USH2A: variants seen among roughly 807,000 people sequenced by gnomAD.
USH2A encodes usherin, also known as Usher syndrome 2A (autosomal recessive, mild).
A neutral mutation model predicts 538.9 loss-of-function variants in USH2A; 443 were observed. The ratio of observed to expected loss-of-function variants is 0.82; its 90% CI spans 0.76 to 0.89. The LOEUF (loss-of-function observed/expected upper bound fraction) is 0.89, where lower values mean the gene tolerates loss of function less well. Ranked by LOEUF, USH2A falls within the 40% of genes least tolerant of loss-of-function variation. The pLI is 0.00. For missense variants in USH2A, 6,633 were observed against 6,324.8 expected, an observed-to-expected ratio of 1.05 and a Z score of -1.65; for synonymous variants, 2,413 against 2,273.5, an observed-to-expected ratio of 1.06 and a Z score of -1.75.
intron 15 of USH2A, among the ~76,000 whole-genome samples, chr1:216,212,987 C>T (rs2035272789): frequency 6.6e-6 from 1 of 152,028 alleles, no homozygotes; most frequent in African/African-American, 2.4e-5. Flanking sequence ...GAGCACATGG[C>T]TAAGCATAAA....
At chr1:216,134,460 G>T (rs2102604949) in intron 21 of USH2A, among the ~76,000 whole-genome samples, 1 of 152,132 alleles carries the variant, frequency 6.6e-6, no homozygotes, top group South Asian at 2.1e-4. Flanking sequence ...TCATCTTAAA[G>T]AAATAAAACA....
Position 215,625,844 on chromosome 1 carries a change from G to A in USH2A, c.15546C>T (p.Asn5182=), listed in dbSNP as rs546494522. The change falls in exon 72 of 72, where the codon AAC becomes AAT. Residue 5182 remains asparagine, a synonymous_variant. Transcript: ENST00000307340. ...TCACTGAGCTGAAATCCTTGATGGC[G>A]TTCATCAGGTCCTCTTCATCCACAT... The part of the protein sequence containing the change: ...GLYVDEEDLM[N]AIKDFSSVTK... The A allele has an allele frequency of 3.9e-4, 632 of 1,613,982 alleles. 6 individuals are homozygous for A. In the South Asian group the frequency reaches 6.4e-3, roughly 16 times the overall value.
intron 40 of USH2A, among the ~76,000 whole-genome samples, chr1:215,895,493 T>C (rs747986780): frequency 3.4e-4 from 52 of 152,184 alleles, no homozygotes; most frequent in Non-Finnish European, 6.3e-4. Flanking sequence ...GGAAGAAGCA[T>C]GTTCTGTTAG....
chr1:215,951,989 C>T (rs1245460575), intron 37 of USH2A, among the ~76,000 whole-genome samples: 8 of 151,372 alleles, frequency 5.3e-5, no homozygotes, highest in South Asian at 2.1e-4. Flanking sequence ...CTCAGCCTCC[C>T]GAGTAGCTGG....
intron 69 of USH2A, among the ~76,000 whole-genome samples, chr1:215,637,576 G>A (rs1484729113): frequency 2.6e-5 from 4 of 152,156 alleles, no homozygotes; most frequent in African/African-American, 9.7e-5. Flanking sequence ...AATACTAAAT[G>A]AGATCTGTTC....
At chr1:216,145,102 T>A (rs771470035) in intron 21 of USH2A, among the ~76,000 whole-genome samples, 1 of 152,170 alleles carries the variant, frequency 6.6e-6, no homozygotes, top group Non-Finnish European at 1.5e-5. Flanking sequence ...TTCCCTTCCC[T>A]CACCCTACTT....
chr1:215,975,388 C>CT (rs1458295193), intron 35 of USH2A, among the ~76,000 whole-genome samples: 1 of 152,076 alleles, frequency 6.6e-6, no homozygotes, highest in Non-Finnish European at 1.5e-5. Flanking sequence ...GTCATAAGTT[C>CT]TTTCCCAAGG....
At chr1:215,867,316 ATTATT>A in intron 43 of USH2A, 146 bp from the exon 44 acceptor site, 2 of 928,648 alleles carry the variant, frequency 2.2e-6, no homozygotes, top group African/African-American at 1.7e-5. Flanking sequence ...TAGAAAATAC[ATTATT>A]TTATTTTCCC....
intron 34 of USH2A, among the ~76,000 whole-genome samples, chr1:215,994,598 C>T (rs61574190): frequency 0.017 from 2,557 of 152,124 alleles, 68 homozygotes; most frequent in African/African-American, 0.059. Flanking sequence ...AAATTGTGGC[C>T]TGAGCATGAA....
At chr1:215,838,603 C>A (rs1663594451) in intron 46 of USH2A, among the ~76,000 whole-genome samples, 1 of 152,094 alleles carries the variant, frequency 6.6e-6, no homozygotes, top group South Asian at 2.1e-4. Flanking sequence ...TATTTTATAT[C>A]CATTTGTTCC....
chr1:216,300,600 A>G (rs929995381), intron 9 of USH2A, among the ~76,000 whole-genome samples: 1 of 152,164 alleles, frequency 6.6e-6, no homozygotes, highest in African/African-American at 2.4e-5. Context: ...AATAATACAC[A>G]ATGACAGTTA....
chr1:216,231,849 G>T, intron 14 of USH2A, 104 bp downstream of exon 14: 1 of 1,439,684 alleles, frequency 6.9e-7, no homozygotes, highest in Non-Finnish European at 9.7e-7. Flanking sequence ...CACCAAGCCG[G>T]GCAAAAAAAA....
At chr1:216,302,125 T>C (rs914784193) in intron 9 of USH2A, among the ~76,000 whole-genome samples, 1 of 152,230 alleles carries the variant, frequency 6.6e-6, no homozygotes. Flanking sequence ...GTTAATTTAT[T>C]ATCAGTGATA....
intron 4 of USH2A, among the ~76,000 whole-genome samples, chr1:216,347,980 T>C (rs866937853): frequency 6.6e-6 from 1 of 152,138 alleles, no homozygotes; most frequent in Non-Finnish European, 1.5e-5. Flanking sequence ...GGCTGAATAA[T>C]AGATAGCTGA....
At chr1:215,907,412 T>C (rs1665667516) in intron 38 of USH2A, among the ~76,000 whole-genome samples, 1 of 152,052 alleles carries the variant, frequency 6.6e-6, no homozygotes, top group South Asian at 2.1e-4. Context: ...AGGTTAAACA[T>C]CTCTGTTCTC....
At chr1:215,997,264 A>G (rs1032211373) in intron 34 of USH2A, among the ~76,000 whole-genome samples, 9 of 152,096 alleles carry the variant, frequency 5.9e-5, no homozygotes, top group African/African-American at 1.9e-4. Flanking sequence ...TTATTTCCCT[A>G]CCAAGAGTTA....
intron 50 of USH2A, among the ~76,000 whole-genome samples, chr1:215,791,654 A>T (rs1408175872): frequency 6.6e-6 from 1 of 152,212 alleles, no homozygotes; most frequent in Admixed American, 6.5e-5. Flanking sequence ...TTGGTTTACA[A>T]ATTAACTGCT....
chr1:215,725,034 C>A (rs1659770470), intron 61 of USH2A, among the ~76,000 whole-genome samples: 1 of 152,112 alleles, frequency 6.6e-6, no homozygotes, highest in Non-Finnish European at 1.5e-5. Context: ...AGTAATAGAA[C>A]TTCCTTTACT....
chr1:215,670,296 C>A (rs573848771), intron 64 of USH2A, among the ~76,000 whole-genome samples: 1 of 152,128 alleles, frequency 6.6e-6, no homozygotes, highest in Non-Finnish European at 1.5e-5. Flanking sequence ...ACTCCCACCA[C>A]GCCTGAGCAA....
Sources: allele counts gnomAD v4.1 joint callset (sites outside exome capture counted in the v4.1 genomes callset), GRCh38; gene constraint gnomAD v4.1.1; transcripts MANE v1.5; gene names NCBI Gene and HGNC (gene_info 2026-07-23, HGNC 2026-07-21).